Variants in PCDH15 observed in about 807,000 individuals in gnomAD.
PCDH15 encodes the protein protocadherin-15.
Under a neutral mutation model 178.5 loss-of-function variants are expected in PCDH15, and 129 were observed. That is an observed-to-expected ratio of 0.72 (90% CI 0.63 to 0.84). The LOEUF (loss-of-function observed/expected upper bound fraction) is 0.84. Ranked by LOEUF, PCDH15 falls within the 40% of genes least tolerant of loss-of-function variation. The pLI, the probability that PCDH15 is intolerant of heterozygous loss-of-function variation, is 0.00. For missense variants in PCDH15, 2,230 were observed against 2,099.9 expected, an observed-to-expected ratio of 1.06 and a Z score of -1.21; for synonymous variants, 800 against 732.0, an observed-to-expected ratio of 1.09 and a Z score of -1.50.
intron 23 of PCDH15, 33 bp from the exon 24 acceptor site, chr10:53,941,008 TTAAATA>T: frequency 7.1e-7 from 1 of 1,410,138 alleles, no homozygotes; most frequent in African/African-American, 1.4e-5. Context: ...GTATTTATTT[TTAAATA>T]TAATTTTTGA....
intron 10 of PCDH15, among the ~76,000 whole-genome samples, chr10:54,207,947 G>A (rs556713601): frequency 1.1e-4 from 16 of 152,024 alleles, no homozygotes; most frequent in Admixed American, 3.3e-4. Context: ...AGAGAGTCTC[G>A]TGGAATATAG....
chr10:54,016,510 A>G (rs1044261883), intron 20 of PCDH15, among the ~76,000 whole-genome samples: 7 of 152,086 alleles, frequency 4.6e-5, no homozygotes. Context: ...CTAAATAAAG[A>G]AAATGTGGCA....
intron 8 of PCDH15, among the ~76,000 whole-genome samples, chr10:54,316,972 T>G (rs2061315572): frequency 1.3e-5 from 2 of 152,146 alleles, no homozygotes; most frequent in Non-Finnish European, 2.9e-5. Flanking sequence ...GCACTGATTA[T>G]TTGGAGTTTT....
chr10:55,390,242 A>G (rs1485806605), intron 2 of PCDH15, among the ~76,000 whole-genome samples: 2 of 152,196 alleles, frequency 1.3e-5, no homozygotes, highest in African/African-American at 4.8e-5. Flanking sequence ...TAAAAAATAC[A>G]TCTTTGCAAA....
intron 2 of PCDH15, among the ~76,000 whole-genome samples, chr10:55,501,583 G>T (rs904290899): frequency 3.3e-5 from 5 of 151,640 alleles, no homozygotes; most frequent in African/African-American, 1.2e-4. Flanking sequence ...TAGTGTTTTA[G>T]AAAATAAAAG....
At chr10:55,486,171 A>T (rs1178349551) in intron 2 of PCDH15, among the ~76,000 whole-genome samples, 1 of 151,690 alleles carries the variant, frequency 6.6e-6, no homozygotes, top group Non-Finnish European at 1.5e-5. Flanking sequence ...TACAATGACG[A>T]CCATTTCTTG....
At chr10:55,164,858 G>A (rs1182780131) in intron 2 of PCDH15, among the ~76,000 whole-genome samples, 1 of 152,068 alleles carries the variant, frequency 6.6e-6, no homozygotes, top group Non-Finnish European at 1.5e-5. Context: ...AGGTGTACGT[G>A]TAGAGTACTT....
Position 54,089,988 on chromosome 10 carries a change from C to T in PCDH15, c.1993G>A (p.Glu665Lys), listed in dbSNP as rs867312479. ...AGGAAATCATTTTTAACTTACGTTTCTGAAAGATTAAAAACTCTCTGAGGA... is the reference window on the plus strand; with the variant it reads ...AGGAAATCATTTTTAACTTACGTTTTTGAAAGATTAAAAACTCTCTGAGGA... ...GDPQRVFNLS[E>K]TTGILTLGKA... is the part of the protein sequence containing the mutation. Residue 665 changes from glutamate (E) to lysine (K), a missense_variant, in exon 16 of 38, where the codon GAA becomes AAA. Coordinates refer to ENST00000644397, the MANE Select transcript of PCDH15 (RefSeq NM_001384140.1). The T allele has an allele frequency of 6.2e-7, 1 of 1,606,636 alleles. No homozygotes were observed. Among genetic ancestry groups the T allele is most frequent in the Non-Finnish European group, 8.5e-7 (1 of 1,173,606 alleles).
chr10:55,540,467 T>G (rs1233571950), intron 2 of PCDH15, among the ~76,000 whole-genome samples: 1 of 152,030 alleles, frequency 6.6e-6, no homozygotes, highest in African/African-American at 2.4e-5. Flanking sequence ...AGAAGAAGTT[T>G]GTGTTTTCCT....
intron 2 of PCDH15, among the ~76,000 whole-genome samples, chr10:55,463,714 T>G (rs974127701): frequency 2.0e-5 from 3 of 151,824 alleles, no homozygotes; most frequent in Non-Finnish European, 2.9e-5. Context: ...CAGCATTACA[T>G]TTTTCAACTG....
At chr10:53,838,446 C>T (rs2077441538) in intron 29 of PCDH15, among the ~76,000 whole-genome samples, 1 of 36,890 alleles carries the variant, frequency 2.7e-5, no homozygotes, top group African/African-American at 1.3e-4. Context: ...TCACTTAAAA[C>T]CCAAGTGGCT....
At chr10:54,333,273 T>G (rs1042954234) in intron 6 of PCDH15, among the ~76,000 whole-genome samples, 6 of 152,102 alleles carry the variant, frequency 3.9e-5, no homozygotes, top group African/African-American at 7.2e-5. Context: ...AGCACTTGTA[T>G]TCTATAAAAT....
intron 25 of PCDH15, among the ~76,000 whole-genome samples, chr10:53,923,314 C>T (rs1201430728): frequency 6.6e-6 from 1 of 151,938 alleles, no homozygotes; most frequent in Non-Finnish European, 1.5e-5. Flanking sequence ...AGAACAGGAA[C>T]AAGATTGATT....
At chr10:55,282,111 T>C (rs1445597203) in intron 1 of PCDH15, among the ~76,000 whole-genome samples, 2 of 152,326 alleles carry the variant, frequency 1.3e-5, no homozygotes, top group East Asian at 1.9e-4. Context: ...ATTTGAACTA[T>C]CAATAGCTAC....
intron 1 of PCDH15, among the ~76,000 whole-genome samples, chr10:54,717,519 A>G (rs1276725648): frequency 1.4e-5 from 2 of 146,140 alleles, no homozygotes; most frequent in African/African-American, 2.6e-5. Flanking sequence ...AATGCTCACC[A>G]TCACTGGCCA....
At chr10:54,677,844 G>A (rs1037719269) in intron 1 of PCDH15, among the ~76,000 whole-genome samples, 2 of 152,184 alleles carry the variant, frequency 1.3e-5, no homozygotes, top group African/African-American at 2.4e-5. Context: ...TTGGGCTTAA[G>A]GATCTGTTAG....
intron 1 of PCDH15, among the ~76,000 whole-genome samples, chr10:54,761,341 G>A (rs927129957): frequency 2.4e-4 from 37 of 152,090 alleles, no homozygotes. Context: ...TAGGTAATAT[G>A]CTCAACTCTG....
chr10:54,867,614 T>A (rs1460788879), intron 3 of PCDH15, among the ~76,000 whole-genome samples: 3 of 152,138 alleles, frequency 2.0e-5, no homozygotes, highest in African/African-American at 7.2e-5. Flanking sequence ...TTCTTGCACA[T>A]ACCCTCTAAC....
chr10:54,077,136 T>G (rs2135928486), intron 17 of PCDH15, among the ~76,000 whole-genome samples: 1 of 152,268 alleles, frequency 6.6e-6, no homozygotes, highest in African/African-American at 2.4e-5. Context: ...GTTTGAAATC[T>G]AAATGCTTTC....
Sources: allele counts gnomAD v4.1 joint callset (sites outside exome capture counted in the v4.1 genomes callset), GRCh38; gene constraint gnomAD v4.1.1; transcripts MANE v1.5; gene names NCBI Gene and HGNC (gene_info 2026-07-23, HGNC 2026-07-21).